Variants in RIC8B observed in about 807,000 individuals in gnomAD.
The protein encoded by RIC8B is RIC8 guanine nucleotide exchange factor B.
In RIC8B, 16 loss-of-function variants were observed where a neutral mutation model predicts 57.5. That is an observed-to-expected ratio of 0.28 (90% CI 0.19 to 0.42). The LOEUF (loss-of-function observed/expected upper bound fraction) is 0.42, where lower values mean the gene tolerates loss of function less well. Ranked by LOEUF, RIC8B falls within the 10% of genes least tolerant of loss-of-function variation. The probability of loss-of-function intolerance (pLI) is 1.00; values close to 1 mark genes in which losing one functional copy is unlikely to be tolerated. For missense variants in RIC8B, 481 were observed against 677.0 expected (o/e 0.71, Z 3.21); for synonymous variants, 216 against 250.8 (o/e 0.86, Z 1.31).
intron 2 of RIC8B, among the ~76,000 whole-genome samples, chr12:106,784,377 A>G (rs981567362): frequency 5.9e-5 from 9 of 152,168 alleles, no homozygotes; most frequent in Non-Finnish European, 1.3e-4. Flanking sequence ...CATTGCTAAT[A>G]TTACAAAACT....
rs1414742240 is a variant in RIC8B, at chr12:106,842,825, TGA to T, written c.1065+9_1065+10del. 6.4e-7 allele frequency: 1 copy of T among 1,557,680 alleles called. No homozygotes were observed. Among genetic ancestry groups the T allele is most frequent in the South Asian group, 1.1e-5 (1 of 89,128 alleles). ...GAGAAGAGAATAGACAAGGTAAGGC[TGA>T]TAAAATGGAAGCCCTGGGAAGATGC... On this transcript the variant is annotated intron_variant, in intron 5 of 9. Coordinates refer to ENST00000392837, the MANE Select transcript of RIC8B (RefSeq NM_001330145.2).
In RIC8B at chr12:106,848,192, G is replaced by C. The variant is rs187898280; in HGVS notation, c.1162-3258G>C. ...AAGTTTCTAGAAAAAGAGTTTCTGGGCAGAAGGAGAAGCAAATTCAAAAGA... is the reference window on the plus strand; with the variant it reads ...AAGTTTCTAGAAAAAGAGTTTCTGGCCAGAAGGAGAAGCAAATTCAAAAGA... On this transcript the variant is annotated intron_variant, in intron 6 of 9. Coordinates refer to ENST00000392837, the MANE Select transcript of RIC8B (RefSeq NM_001330145.2). Among the ~76,000 whole-genome samples the C allele has an allele frequency of 1.7e-3, 263 of 152,174 alleles. 1 individual carries two copies. Among genetic ancestry groups the C allele is most frequent in the Non-Finnish European group, 3.1e-3 (210 of 68,024 alleles).
intron 8 of RIC8B, among the ~76,000 whole-genome samples, chr12:106,866,200 G>C (rs749812151): frequency 2.5e-4 from 38 of 151,980 alleles, no homozygotes; most frequent in Non-Finnish European, 4.9e-4. Context: ...GTCTGTTTTT[G>C]TTCATGTAGA....
At chr12:106,866,889 G>GTTGA (rs1950164137) in intron 8 of RIC8B, among the ~76,000 whole-genome samples, 1 of 152,176 alleles carries the variant, frequency 6.6e-6, no homozygotes, top group East Asian at 1.9e-4. Flanking sequence ...GTGACAACCA[G>GTTGA]TTGATGGAAT....
At chr12:106,776,502 G>GT (rs1270370720) in intron 1 of RIC8B, among the ~76,000 whole-genome samples, 1 of 152,194 alleles carries the variant, frequency 6.6e-6, no homozygotes, top group Non-Finnish European at 1.5e-5. Flanking sequence ...ATTTGTTTCT[G>GT]TAGGGGAGGA....
chr12:106,816,932 G>A lies in RIC8B; in HGVS notation c.741+1628G>A, dbSNP rs533802071. 1.3e-5 allele frequency among the ~76,000 whole-genome samples: 2 copies of A among 152,118 alleles called. 1 individual carries two copies. The highest frequency in any genetic ancestry group is 4.8e-5 in the African/African-American group (2 of 41,404). On this transcript the variant is annotated intron_variant, in intron 3 of 9. Coordinates refer to ENST00000392837, the MANE Select transcript of RIC8B (RefSeq NM_001330145.2). ...AAAAGGATCAGTAATCCTGGAGCAG[G>A]TATCTCTGACCTAGTACCTGTTGTG...
At chr12:106,855,155 T>C (rs1266384861) in intron 7 of RIC8B, among the ~76,000 whole-genome samples, 1 of 152,200 alleles carries the variant, frequency 6.6e-6, no homozygotes, top group African/African-American at 2.4e-5. Flanking sequence ...AGGGGCTGAA[T>C]TGCAAAGAAA....
chr12:106,872,243 G>C (rs1018418337), intron 9 of RIC8B, among the ~76,000 whole-genome samples: 1 of 152,174 alleles, frequency 6.6e-6, no homozygotes, highest in African/African-American at 2.4e-5. Context: ...AGAAGATACC[G>C]ATAGGGCAAA....
intron 3 of RIC8B, among the ~76,000 whole-genome samples, chr12:106,825,472 GTC>G (rs2046054118): frequency 6.6e-6 from 1 of 152,180 alleles, no homozygotes; most frequent in Admixed American, 6.5e-5. Context: ...ATGAAAAAAA[GTC>G]TCTAGCGGAA....
At position 106,825,797 on chromosome 12, in the gene RIC8B, A is replaced by G; in HGVS notation, c.813A>G (p.Glu271=). Residue 271 remains glutamate (E), a synonymous_variant, in exon 4 of 10, where the codon GAA becomes GAG. Transcript: ENST00000392837. ...RHCLLIVGPT[E]DKTEELHSNA... is the part of the protein sequence containing the mutation. ...GTTTACTAATCGTAGGTCCAACTGA[A>G]GACAAAACAGAAGAGCTACACAGGT... 1 of 1,612,812 alleles carries G rather than the reference A, an allele frequency of 6.2e-7. No homozygotes were observed. Among genetic ancestry groups the G allele is most frequent in the East Asian group, 2.2e-5 (1 of 44,862 alleles).
At chr12:106,828,408 CTG>C (rs554106825) in intron 4 of RIC8B, among the ~76,000 whole-genome samples, 2 of 152,110 alleles carry the variant, frequency 1.3e-5, no homozygotes, top group Non-Finnish European at 2.9e-5. Context: ...CAATTTTTCT[CTG>C]TGTGTGTGTT....
chr12:106,852,729 C>G (rs1189423542), intron 7 of RIC8B, among the ~76,000 whole-genome samples: 1 of 152,150 alleles, frequency 6.6e-6, no homozygotes, highest in Non-Finnish European at 1.5e-5. Context: ...TTTCTTTCTG[C>G]CATATTTCCT....
intron 2 of RIC8B, among the ~76,000 whole-genome samples, chr12:106,808,347 G>A (rs376512879): frequency 5.9e-5 from 9 of 152,248 alleles, no homozygotes; most frequent in African/African-American, 2.2e-4. Flanking sequence ...TGAGGACACT[G>A]AGGGACAACT....
chr12:106,797,439 A>G (rs1034747210), intron 2 of RIC8B, among the ~76,000 whole-genome samples: 2 of 152,226 alleles, frequency 1.3e-5, no homozygotes, highest in African/African-American at 4.8e-5. Flanking sequence ...TTAAAATTTT[A>G]GAATAGGCAG....
At chr12:106,850,268 G>A (rs1045258842) in intron 6 of RIC8B, among the ~76,000 whole-genome samples, 23 of 152,210 alleles carry the variant, frequency 1.5e-4, no homozygotes, top group African/African-American at 5.5e-4. Context: ...GTTGGGGACT[G>A]CTGATTTAGG....
Position 106,814,849 on chromosome 12 carries a change from G to T in RIC8B, c.286G>T (p.Ala96Ser), listed in dbSNP as rs749045402. ...KENMQILLRL[A>S]KLNELDDSLE... The stretch of plus-strand genomic sequence containing the variant: ...AAATATGCAGATACTGCTGCGACTA[G>T]CCAAGCTAAATGAGTTAGATGATTC... The change falls in exon 3 of 10, where the codon GCC (alanine) becomes TCC (serine). Residue 96 changes from alanine to serine, a missense_variant. Ala to Ser is a moderately conservative substitution (Grantham distance 99). Around this residue, in one of 3 missense-constraint regions of RIC8B, gnomAD observed 421 missense variants for 560.9 expected, o/e 0.75. Transcript: ENST00000392837. 4.3e-6 allele frequency: 7 copies of T among 1,614,192 alleles called. No homozygotes were observed. The Admixed American group carries it at 1.2e-4, about 27-fold the overall frequency.
Position 106,834,318 on chromosome 12 carries a change from A to G in RIC8B, c.837-8271A>G, listed in dbSNP as rs184248274. ...CCTTTGCTTATACTAATTATCTTCA[A>G]TGTTGGTGTCTTTGTATTATAGGAA... On this transcript the variant is annotated intron_variant, in intron 4 of 9. Coordinates refer to ENST00000392837, the MANE Select transcript of RIC8B (RefSeq NM_001330145.2). Among the ~76,000 whole-genome samples the G allele has an allele frequency of 1.8e-3, 274 of 152,292 alleles. 4 individuals carry two copies. The South Asian group carries it at 0.031, about 17-fold the overall frequency.
At chr12:106,865,027 T>C (rs1028239606) in intron 8 of RIC8B, among the ~76,000 whole-genome samples, 1 of 152,204 alleles carries the variant, frequency 6.6e-6, no homozygotes, top group Non-Finnish European at 1.5e-5. Context: ...GTATATACAT[T>C]ACATATACAC....
At chr12:106,822,723 C>G (rs150147564) in intron 3 of RIC8B, 9 of 152,328 alleles carry the variant, frequency 5.9e-5, no homozygotes, top group African/African-American at 2.2e-4. Flanking sequence ...GTGTTGCAGG[C>G]CAGTGATGAA....
Sources: allele counts gnomAD v4.1 joint callset (sites outside exome capture counted in the v4.1 genomes callset), GRCh38; gene constraint gnomAD v4.1.1; regional missense constraint gnomAD v4.1.1; transcripts MANE v1.5; gene names NCBI Gene and HGNC (gene_info 2026-07-23, HGNC 2026-07-21).